Variants in IL1RAPL1 observed in about 807,000 individuals in gnomAD.
The protein encoded by IL1RAPL1 is interleukin-1 receptor accessory protein-like 1.
A neutral mutation model predicts 48.4 loss-of-function variants in IL1RAPL1; 3 were observed. The observed-to-expected ratio is 0.06, with a 90% CI of 0.03 to 0.16. The LOEUF (loss-of-function observed/expected upper bound fraction) is 0.16, where lower values mean the gene tolerates loss of function less well. Among genes scored for constraint, IL1RAPL1 ranks in the 10% least tolerant of loss-of-function variants. The pLI is 1.00. For synonymous variants in IL1RAPL1, 185 were observed against 187.7 expected (o/e 0.99, Z 0.12); for missense variants, 349 against 530.6 (o/e 0.66, Z 3.36).
chrX:29,600,674 A>G (rs752372759), intron 5 of IL1RAPL1, among the ~76,000 whole-genome samples: 9 of 111,187 alleles, frequency 8.1e-5, no homozygotes, highest in African/African-American at 2.9e-4. Flanking sequence ...GCAGTAGAGA[A>G]AGACCACCAG....
intron 1 of IL1RAPL1, among the ~76,000 whole-genome samples, chrX:28,699,659 C>T (rs1440919773): frequency 1.8e-5 from 2 of 111,548 alleles, no homozygotes; most frequent in African/African-American, 3.3e-5. Context: ...CTCTCTCTCT[C>T]CTCTGTTTGT....
At chrX:29,165,271 A>G (rs1156750674) in intron 2 of IL1RAPL1, among the ~76,000 whole-genome samples, 1 of 111,825 alleles carries the variant, frequency 8.9e-6, no homozygotes, top group Non-Finnish European at 1.9e-5. Context: ...GTCAGCGGAG[A>G]TCGCGCCATT....
chrX:29,826,660 C>T (rs1930746081), intron 6 of IL1RAPL1, among the ~76,000 whole-genome samples: 1 of 111,778 alleles, frequency 8.9e-6, no homozygotes, highest in Non-Finnish European at 1.9e-5. Context: ...TGTCTAGCTT[C>T]CTTCACTTAG....
intron 2 of IL1RAPL1, among the ~76,000 whole-genome samples, chrX:28,791,060 C>T (rs1936533890): frequency 9.0e-6 from 1 of 111,029 alleles, no homozygotes; most frequent in African/African-American, 3.3e-5. Context: ...TTCTTTAAAA[C>T]TTTATTTTTC....
At chrX:29,318,494 C>T (rs1602167697) in intron 3 of IL1RAPL1, among the ~76,000 whole-genome samples, 1 of 112,087 alleles carries the variant, frequency 8.9e-6, no homozygotes, top group South Asian at 3.6e-4. Context: ...GGAAATTATC[C>T]CCCTTTCTGT....
At chrX:29,761,211 A>G (rs181527517) in intron 6 of IL1RAPL1, among the ~76,000 whole-genome samples, 7 of 112,057 alleles carry the variant, frequency 6.2e-5, no homozygotes, top group Non-Finnish European at 1.9e-5. Context: ...GTTCAGTGAC[A>G]TTAAATACCT....
intron 1 of IL1RAPL1, among the ~76,000 whole-genome samples, chrX:28,625,407 C>T (rs1318258534): frequency 2.7e-5 from 3 of 112,072 alleles, no homozygotes; most frequent in African/African-American, 6.5e-5. Flanking sequence ...CTTGTTCCTT[C>T]GAATGCTTCA....
At chrX:28,722,945 A>G (rs1045376202) in intron 1 of IL1RAPL1, among the ~76,000 whole-genome samples, 6 of 111,614 alleles carry the variant, frequency 5.4e-5, no homozygotes, top group Admixed American at 1.9e-4. Flanking sequence ...GATGAAGTCC[A>G]CTTGATCATG....
intron 1 of IL1RAPL1, among the ~76,000 whole-genome samples, chrX:28,639,301 G>C: frequency 9.0e-6 from 1 of 111,698 alleles, no homozygotes; most frequent in East Asian, 2.8e-4. Context: ...TGTGTTATTT[G>C]CATTACATAG....
chrX:29,769,316 G>A (rs1431944250), intron 6 of IL1RAPL1, among the ~76,000 whole-genome samples: 2 of 108,013 alleles, frequency 1.9e-5, no homozygotes, highest in African/African-American at 6.8e-5. Flanking sequence ...TATGAATAAT[G>A]CTGCTATGAA....
At chrX:28,916,767 A>T (rs780671846) in intron 2 of IL1RAPL1, among the ~76,000 whole-genome samples, 40 of 112,338 alleles carry the variant, frequency 3.6e-4, no homozygotes, top group Non-Finnish European at 6.9e-4. Flanking sequence ...GGTGAGCTTC[A>T]CACATTTGTA....
chrX:28,678,895 A>G (rs1301436389), intron 1 of IL1RAPL1, among the ~76,000 whole-genome samples: 1 of 112,460 alleles, frequency 8.9e-6, no homozygotes, highest in Non-Finnish European at 1.9e-5. Flanking sequence ...TGCAATGAAC[A>G]TGGGAGTGCA....
At chrX:29,120,081 A>T (rs959744555) in intron 2 of IL1RAPL1, among the ~76,000 whole-genome samples, 10 of 111,746 alleles carry the variant, frequency 8.9e-5, no homozygotes, top group African/African-American at 3.2e-4. Flanking sequence ...TGAAGCTAAC[A>T]GTCTAATCAC....
intron 5 of IL1RAPL1, among the ~76,000 whole-genome samples, chrX:29,566,374 T>C (rs988103179): frequency 1.4e-4 from 16 of 111,860 alleles, no homozygotes; most frequent in Non-Finnish European, 5.6e-5. Flanking sequence ...GACCAGAAGA[T>C]AACTTGAGTC....
intron 1 of IL1RAPL1, among the ~76,000 whole-genome samples, chrX:28,767,882 C>T (rs1242647771): frequency 9.0e-6 from 1 of 111,292 alleles, no homozygotes; most frequent in African/African-American, 3.3e-5. Context: ...CAGACTGTTG[C>T]TATTCTGGAA....
chrX:29,710,641 G>A (rs905814522), intron 6 of IL1RAPL1, among the ~76,000 whole-genome samples: 7 of 103,254 alleles, frequency 6.8e-5, no homozygotes, highest in African/African-American at 2.4e-4. Flanking sequence ...ATAATGTTTT[G>A]TTCTAGAAAC....
At chrX:29,052,955 T>G (rs1390771784) in intron 2 of IL1RAPL1, among the ~76,000 whole-genome samples, 1 of 111,817 alleles carries the variant, frequency 8.9e-6, no homozygotes, top group African/African-American at 3.3e-5. Context: ...GGGTTTGTTG[T>G]ACAGATTGTT....
intron 2 of IL1RAPL1, among the ~76,000 whole-genome samples, chrX:29,203,761 A>C (rs1930609257): frequency 2.3e-5 from 2 of 87,511 alleles, no homozygotes; most frequent in African/African-American, 8.5e-5. Context: ...ATATATATAT[A>C]GTTAACTATA....
At chrX:29,492,817 C>G (rs775872486) in intron 5 of IL1RAPL1, among the ~76,000 whole-genome samples, 5 of 111,473 alleles carry the variant, frequency 4.5e-5, no homozygotes, top group Non-Finnish European at 9.4e-5. Context: ...CATTATTCTG[C>G]CTACTACATA....
Sources: gnomAD v4.1 joint callset for allele counts (sites outside exome capture counted in the v4.1 genomes callset) on GRCh38, gnomAD v4.1.1 for gene constraint, MANE v1.5 for transcripts, NCBI Gene and HGNC (gene_info 2026-07-23, HGNC 2026-07-21) for gene names.